The following VPS33A variants were observed in gnomAD, a reference collection of about 807,000 sequenced individuals.
VPS33A encodes the protein VPS33A core subunit of CORVET and HOPS complexes, also known as vacuolar protein sorting-associated protein 33A.
A neutral mutation model predicts 71.8 loss-of-function variants in VPS33A; 32 were observed. The observed-to-expected ratio is 0.45, with a 90% CI of 0.34 to 0.60. VPS33A has a LOEUF of 0.60. Among genes scored for constraint, VPS33A ranks in the 20% least tolerant of loss-of-function variants. The pLI is 0.02. For missense variants in VPS33A, 625 were observed against 748.5 expected, an observed-to-expected ratio of 0.84 and a Z score of 1.92; for synonymous variants, 311 against 292.7, an observed-to-expected ratio of 1.06 and a Z score of -0.64.
chr12:122,232,731 C>A, intron 12 of VPS33A, 69 bp downstream of exon 12: 1 of 1,524,694 alleles, frequency 6.6e-7, no homozygotes, highest in Non-Finnish European at 8.8e-7. Flanking sequence ...TTTTACAAAG[C>A]AACTGTACAA....
chr12:122,253,833 G>T (rs1456812251), intron 4 of VPS33A, among the ~76,000 whole-genome samples: 1 of 151,870 alleles, frequency 6.6e-6, no homozygotes, highest in Non-Finnish European at 1.5e-5. Context: ...GAGTAGCTGG[G>T]ATCATAGGTG....
At chr12:122,255,297 C>A (rs1954901768) in intron 4 of VPS33A, among the ~76,000 whole-genome samples, 1 of 152,166 alleles carries the variant, frequency 6.6e-6, no homozygotes, top group Admixed American at 6.5e-5. Flanking sequence ...CAGGTGTTCA[C>A]TGTACAATTC....
At chr12:122,256,175 T>C (rs1167436056) in intron 4 of VPS33A, among the ~76,000 whole-genome samples, 1 of 152,070 alleles carries the variant, frequency 6.6e-6, no homozygotes, top group Admixed American at 6.6e-5. Context: ...AACGAGGTGA[T>C]CTCTGTAACA....
At chr12:122,246,849 G>A (rs1385633097) in intron 6 of VPS33A, among the ~76,000 whole-genome samples, 3 of 152,108 alleles carry the variant, frequency 2.0e-5, no homozygotes, top group Admixed American at 6.6e-5. Context: ...TGATTGGCCC[G>A]CCTTGGCCTC....
rs746857559 is a variant in VPS33A, at chr12:122,266,333, ACTCGCGCAGCTCGCGACGCACCGC to A, written c.52_75del (p.Ala18_Glu25del). On this transcript the variant is annotated inframe_deletion, in exon 1 of 13. Transcript: ENST00000267199. Reference sequence around the variant, plus strand: ...TTGCTTCCTGCGCACTTGTCCAGGAACTCGCGCAGCTCGCGACGCACCGCCTCGCGCAACACGTTTAGGTTCACT... The same window carrying A: ...TTGCTTCCTGCGCACTTGTCCAGGAACTCGCGCAACACGTTTAGGTTCACT... 6.2e-7 allele frequency: 1 copy of A among 1,612,410 alleles called. No homozygotes were observed. Among genetic ancestry groups the A allele is most frequent in the Admixed American group, 1.7e-5 (1 of 59,952 alleles).
At chr12:122,259,164 GGT>G (rs140807284) in intron 4 of VPS33A, among the ~76,000 whole-genome samples, 9 of 144,816 alleles carry the variant, frequency 6.2e-5, no homozygotes, top group African/African-American at 2.0e-4. Flanking sequence ...TACTCCTAGG[GGT>G]GTGTGTGTGT....
rs1356222117 is a variant in VPS33A, at chr12:122,232,965, G to T, written c.1444C>A (p.Pro482Thr). Residue 482 changes from proline to threonine, a missense_variant, in exon 12 of 13, where the codon CCC becomes ACC. By Grantham distance (38) the Pro-to-Thr change is conservative. Transcript: ENST00000267199. ...CTGTACACATACGATATGTCCGTGG[G>T]GTTCTGTGAGATAATTAAAGAACAA... ...LWMDDVNEQN[P>T]TDISYVYSGY... 6.3e-7 allele frequency: 1 copy of T among 1,589,894 alleles called. No homozygotes were observed. The highest frequency in any genetic ancestry group is 1.4e-5 in the African/African-American group (1 of 74,018).
At chr12:122,241,765 G>T (rs762505851) in intron 8 of VPS33A, among the ~76,000 whole-genome samples, 2 of 151,622 alleles carry the variant, frequency 1.3e-5, no homozygotes, top group African/African-American at 2.4e-5. Context: ...GCTAATTTTT[G>T]TATTTTTAGT....
At chr12:122,237,534 CTTT>C (rs59918502) in intron 10 of VPS33A, among the ~76,000 whole-genome samples, 2 of 111,788 alleles carry the variant, frequency 1.8e-5, no homozygotes, top group Non-Finnish European at 1.8e-5. Flanking sequence ...TAAAGTTTTT[CTTT>C]TTTTTTTTTT....
Position 122,230,081 on chromosome 12 carries a change from A to G in VPS33A, c.*2165T>C, listed in dbSNP as rs1444126080. ...TATAAACTAATCTCCCTGGGATATA[A>G]CAAGTATTTAAAAAAGGATTTTCTA... is the stretch of plus-strand genomic sequence containing the variant. On this transcript the variant is annotated 3_prime_UTR_variant, in exon 13 of 13. Coordinates refer to ENST00000267199, the MANE Select transcript of VPS33A (RefSeq NM_022916.6). 1 of 152,224 alleles carries G rather than the reference A, an allele frequency of 6.6e-6. No homozygotes were observed. Among genetic ancestry groups the G allele is most frequent in the African/African-American group, 2.4e-5 (1 of 41,460 alleles). 9.4% of individuals were successfully genotyped at this position (152,224 alleles called of 1,614,324 possible). A position where few individuals can be genotyped will look rare whatever the true frequency, so the allele number is the denominator to read the frequency against.
Position 122,259,280 on chromosome 12 carries a change from C to T in VPS33A, c.483+1981G>A, listed in dbSNP as rs552931075. On this transcript the variant is annotated intron_variant, in intron 4 of 12. Coordinates refer to ENST00000267199, the MANE Select transcript of VPS33A (RefSeq NM_022916.6). ...TGTTGCCCAGGCTGGAGTGCAATGG[C>T]GTGATCTCAGCTCACTGTAACCTCC... Among the ~76,000 whole-genome samples the T allele has an allele frequency of 1.8e-4, 27 of 152,016 alleles. No individual in the cohort carries two copies. In the South Asian group the frequency reaches 5.2e-3, roughly 29 times the overall value.
At position 122,256,204 on chromosome 12, in the gene VPS33A, G is replaced by T. The variant is rs74395259; in HGVS notation, c.483+5057C>A. Among the ~76,000 whole-genome samples, 1,380 of 152,146 alleles carry T rather than the reference G, an allele frequency of 9.1e-3. 32 individuals are homozygous for T. Among genetic ancestry groups the T allele is most frequent in the African/African-American group, 0.032 (1,318 of 41,460 alleles). On this transcript the variant is annotated intron_variant, in intron 4 of 12. Transcript: ENST00000267199. ...TGTAACAACACAATGGGGAAAAAAA[G>T]ATTCCAATAATTTTATGTACTATAC...
intron 10 of VPS33A, among the ~76,000 whole-genome samples, chr12:122,237,369 G>C (rs983678734): frequency 8.5e-5 from 13 of 152,094 alleles, no homozygotes; most frequent in Admixed American, 8.5e-4. Flanking sequence ...CCTTGGGTGA[G>C]TTACCTAAAC....
chr12:122,233,651 A>G (rs1740805640), intron 11 of VPS33A, among the ~76,000 whole-genome samples: 1 of 152,240 alleles, frequency 6.6e-6, no homozygotes, highest in Non-Finnish European at 1.5e-5. Flanking sequence ...ACAAAAGATA[A>G]TAGACCAAAG....
At chr12:122,258,909 A>G (rs1391983635) in intron 4 of VPS33A, among the ~76,000 whole-genome samples, 1 of 144,100 alleles carries the variant, frequency 6.9e-6, no homozygotes, top group African/African-American at 2.6e-5. Flanking sequence ...TGAGCCTGGG[A>G]GGCCGAGGTT....
chr12:122,244,635 A>T lies in VPS33A; in HGVS notation c.903T>A (p.Asp301Glu). The change falls in exon 7 of 13, where the codon GAT (aspartate) becomes GAA (glutamate). Residue 301 changes from aspartate to glutamate, a missense_variant. Coordinates refer to ENST00000267199, the MANE Select transcript of VPS33A (RefSeq NM_022916.6). ...SAEELYAEIR[D>E]KNFNAVGSVL... is the part of the protein sequence containing the mutation. ...CAGAGCCAACTGCGTTGAAGTTCTT[A>T]TCTCGGATCTCAGCATAGAGCTCCT... 1 of 1,614,166 alleles carries T rather than the reference A, an allele frequency of 6.2e-7. No homozygotes were observed. Among genetic ancestry groups the T allele is most frequent in the South Asian group, 1.1e-5 (1 of 91,086 alleles).
At chr12:122,233,527 G>A (rs1056263015) in intron 11 of VPS33A, among the ~76,000 whole-genome samples, 2 of 152,040 alleles carry the variant, frequency 1.3e-5, no homozygotes, top group Non-Finnish European at 1.5e-5. Flanking sequence ...CGTCCAGCCA[G>A]CATGAAACAT....
chr12:122,238,740 CATACAT>C lies in VPS33A; in HGVS notation c.1165-22_1165-17del, dbSNP rs755567812. The C allele has an allele frequency of 1.4e-5, 22 of 1,577,808 alleles. No homozygotes were observed. The highest frequency in any genetic ancestry group is 1.7e-5 in the Non-Finnish European group (20 of 1,153,804). On this transcript the variant is annotated splice_polypyrimidine_tract_variant and intron_variant, in intron 9 of 12. Coordinates refer to ENST00000267199, the MANE Select transcript of VPS33A (RefSeq NM_022916.6). ...AATTGTTGACCTGGAAATAAAGTAG[CATACAT>C]ATACATATACATTTACATATACATA...
chr12:122,261,509 T>G, intron 3 of VPS33A, 62 bp from the exon 4 acceptor site: 4 of 1,527,736 alleles, frequency 2.6e-6, no homozygotes, highest in Non-Finnish European at 3.6e-6. Flanking sequence ...CATTTTGCTT[T>G]TTTTATCCCC....
Sources: gnomAD v4.1 joint callset for allele counts (sites outside exome capture counted in the v4.1 genomes callset) on GRCh38, gnomAD v4.1.1 for gene constraint, MANE v1.5 for transcripts, NCBI Gene and HGNC (gene_info 2026-07-23, HGNC 2026-07-21) for gene names.